Variants in ESYT2 observed in about 807,000 individuals in gnomAD.
The protein encoded by ESYT2 is extended synaptotagmin 2.
Under a neutral mutation model 107.2 loss-of-function variants are expected in ESYT2, and 54 were observed. The ratio of observed to expected loss-of-function variants is 0.50; its 90% confidence interval spans 0.40 to 0.63. The LOEUF is 0.63. Ranked by LOEUF, ESYT2 falls within the 30% of genes least tolerant of loss-of-function variation. The pLI is 0.00. For synonymous variants in ESYT2, 491 were observed against 434.1 expected (o/e 1.13, Z -1.63); for missense variants, 1,020 against 1,094.5 (o/e 0.93, Z 0.96).
intron 13 of ESYT2, among the ~76,000 whole-genome samples, chr7:158,758,892 C>T (rs1310837252): frequency 1.3e-5 from 2 of 152,188 alleles, no homozygotes; most frequent in African/African-American, 2.4e-5. Flanking sequence ...TTTTTCTCTA[C>T]GAATGAACAA....
At chr7:158,752,369 C>G (rs934372772) in intron 14 of ESYT2, among the ~76,000 whole-genome samples, 1 of 152,140 alleles carries the variant, frequency 6.6e-6, no homozygotes, top group Non-Finnish European at 1.5e-5. Flanking sequence ...GACCCTAACT[C>G]AACATATTGG....
intron 1 of ESYT2, among the ~76,000 whole-genome samples, chr7:158,813,069 TTA>T (rs1415774804): frequency 2.0e-5 from 3 of 152,224 alleles, no homozygotes; most frequent in Non-Finnish European, 4.4e-5. Flanking sequence ...TAAAATGGTT[TTA>T]TGTTTGAATT....
intron 6 of ESYT2, among the ~76,000 whole-genome samples, chr7:158,780,934 G>A (rs1341667145): frequency 6.6e-6 from 1 of 152,202 alleles, no homozygotes; most frequent in African/African-American, 2.4e-5. Flanking sequence ...GTGTATGAGT[G>A]AGAATGTGTG....
intron 19 of ESYT2, among the ~76,000 whole-genome samples, chr7:158,737,552 A>AC (rs202146303): frequency 6.6e-6 from 1 of 150,944 alleles, no homozygotes; most frequent in African/African-American, 2.4e-5. Context: ...ACCCCTCCAG[A>AC]AGGGGGCTGC....
At chr7:158,768,281 C>T (rs574630382) in intron 7 of ESYT2, among the ~76,000 whole-genome samples, 1 of 152,334 alleles carries the variant, frequency 6.6e-6, no homozygotes, top group South Asian at 2.1e-4. Flanking sequence ...CCAGTCCCCA[C>T]TGAAGGAGAA....
At chr7:158,755,863 G>A (rs900128905) in intron 13 of ESYT2, among the ~76,000 whole-genome samples, 7 of 151,982 alleles carry the variant, frequency 4.6e-5, no homozygotes, top group Admixed American at 4.6e-4. Context: ...ACTAGGGGCC[G>A]TCAGGGGGTA....
chr7:158,740,232 T>G (rs1030110871), intron 18 of ESYT2, among the ~76,000 whole-genome samples: 1 of 152,226 alleles, frequency 6.6e-6, no homozygotes, highest in African/African-American at 2.4e-5. Flanking sequence ...TCCTGGAACC[T>G]GCTGAGGACG....
intron 6 of ESYT2, among the ~76,000 whole-genome samples, chr7:158,778,458 TA>T (rs199845668): frequency 0.12 from 14,659 of 125,198 alleles, 1,036 homozygotes; most frequent in East Asian, 0.45. Flanking sequence ...GATAAAAATG[TA>T]AAAAAAAAAA....
At chr7:158,798,198 C>A (rs1298927451) in intron 2 of ESYT2, 122 bp from the exon 3 acceptor site, 4 of 1,019,040 alleles carry the variant, frequency 3.9e-6, no homozygotes, top group Non-Finnish European at 5.6e-6. Context: ...GCGGGAGGAT[C>A]TTGTTGTTAT....
chr7:158,736,248 C>G (rs1418722947), intron 20 of ESYT2, among the ~76,000 whole-genome samples: 1 of 152,160 alleles, frequency 6.6e-6, no homozygotes, highest in African/African-American at 2.4e-5. Context: ...TGCACGCCTG[C>G]CAGTTTCTGA....
chr7:158,742,001 T>C (rs199728801), intron 17 of ESYT2, 105 bp from the exon 18 acceptor site: 1 of 925,702 alleles, frequency 1.1e-6, no homozygotes, highest in Non-Finnish European at 1.4e-6. Context: ...CTTTAAAACT[T>C]AGCTCAAAAA....
At chr7:158,748,312 T>C (rs1340263873) in intron 15 of ESYT2, 32 bp from the exon 16 acceptor site, 5 of 1,553,796 alleles carry the variant, frequency 3.2e-6, no homozygotes, top group East Asian at 2.2e-5. Flanking sequence ...TTAGCTCTGA[T>C]ATTTTCTGTG....
In ESYT2 at chr7:158,763,091, A is replaced by G. The variant is rs1374993991; in HGVS notation, c.1176T>C (p.Phe392=). The change falls in exon 10 of 23, where the codon TTT becomes TTC. Residue 392 remains phenylalanine, a synonymous_variant. Coordinates refer to ENST00000275418, the MANE Select transcript of ESYT2 (RefSeq NM_001367773.1). The part of the protein sequence containing the change: ...LFDEDPDKDD[F]LGSLMIDLIE... ...CAATGGGCTTTATTTACCTTCCTAA[A>G]AAGTCATCCTTGTCTGGGTCTTCAT... is the stretch of plus-strand genomic sequence containing the variant. 3 of 1,612,546 alleles carry G rather than the reference A, an allele frequency of 1.9e-6. No homozygotes were observed. The highest frequency in any genetic ancestry group is 2.5e-6 in the Non-Finnish European group (3 of 1,179,138).
In ESYT2 at chr7:158,761,441, A is replaced by C. The variant is rs1379407722; in HGVS notation, c.1233+55T>G. On this transcript the variant is annotated intron_variant, in intron 11 of 22. Transcript: ENST00000275418. Reference sequence around the variant, plus strand: ...GGGTGGTTCGTGGCTCCTCTGGCACAGGGCAGGGACTCAGTCAACAATTGT... The same window carrying C: ...GGGTGGTTCGTGGCTCCTCTGGCACCGGGCAGGGACTCAGTCAACAATTGT... 6 of 1,551,184 alleles carry C rather than the reference A, an allele frequency of 3.9e-6. No homozygotes were observed. In the East Asian group the frequency reaches 1.1e-4, roughly 29 times the overall value.
At chr7:158,736,325 C>T (rs1308642082) in intron 20 of ESYT2, among the ~76,000 whole-genome samples, 5 of 152,326 alleles carry the variant, frequency 3.3e-5, no homozygotes, top group South Asian at 4.1e-4. Flanking sequence ...AAAGATGAAA[C>T]GTAAACTGAA....
intron 3 of ESYT2, among the ~76,000 whole-genome samples, chr7:158,794,784 AAAG>A (rs1478613026): frequency 6.6e-6 from 1 of 152,138 alleles, no homozygotes; most frequent in East Asian, 1.9e-4. Context: ...CTCAAAAATG[AAAG>A]AAGCACTTTA....
chr7:158,772,254 A>G (rs1455469737), intron 7 of ESYT2, among the ~76,000 whole-genome samples: 2 of 152,212 alleles, frequency 1.3e-5, no homozygotes, highest in East Asian at 3.8e-4. Context: ...CAGATCTTTT[A>G]AAGATCACAG....
In ESYT2 at chr7:158,755,838, C is replaced by T. The variant is rs144916735; in HGVS notation, c.1420-2995G>A. 5.1e-3 allele frequency among the ~76,000 whole-genome samples: 766 copies of T among 151,136 alleles called. 1 individual carries two copies. Among genetic ancestry groups the T allele is most frequent in the Non-Finnish European group, 8.1e-3 (549 of 67,774 alleles). ...CCAATGAGATCACTTGGACACAGGG[C>T]GGGGAACATCACATACTAGGGGCCG... is the stretch of plus-strand genomic sequence containing the variant. On this transcript the variant is annotated intron_variant, in intron 13 of 22. Coordinates refer to ENST00000275418, the MANE Select transcript of ESYT2 (RefSeq NM_001367773.1).
chr7:158,776,718 T>G (rs946443457), intron 6 of ESYT2, among the ~76,000 whole-genome samples: 1 of 152,262 alleles, frequency 6.6e-6, no homozygotes, highest in Non-Finnish European at 1.5e-5. Flanking sequence ...GTGTGTTCAC[T>G]GGAGCAGCAC....
Sources: allele counts gnomAD v4.1 joint callset (sites outside exome capture counted in the v4.1 genomes callset), GRCh38; gene constraint gnomAD v4.1.1; transcripts MANE v1.5; gene names NCBI Gene and HGNC (gene_info 2026-07-23, HGNC 2026-07-21).